PTP4A1: variants seen among roughly 807,000 people sequenced by gnomAD.
PTP4A1 encodes the protein protein tyrosine phosphatase type IVA 1.
In PTP4A1, 9 loss-of-function variants were observed where a neutral mutation model predicts 20.5. That is an observed-to-expected ratio of 0.44 (90% CI 0.26 to 0.77). PTP4A1 has a LOEUF of 0.77. Ranked by LOEUF, PTP4A1 falls within the 30% of genes least tolerant of loss-of-function variation. The pLI is 0.19. For missense variants in PTP4A1, 137 were observed against 218.8 expected, an observed-to-expected ratio of 0.63 and a Z score of 2.36; for synonymous variants, 78 against 67.4, an observed-to-expected ratio of 1.16 and a Z score of -0.77.
At chr6:63,527,111 G>A (rs1178049359) in intron 1 of PTP4A1, among the ~76,000 whole-genome samples, 2 of 152,018 alleles carry the variant, frequency 1.3e-5, no homozygotes, top group Non-Finnish European at 2.9e-5. Context: ...ACAAATACCT[G>A]AGCAGTCCTC....
At chr6:63,559,545 G>A (rs1002965688) in intron 3 of PTP4A1, among the ~76,000 whole-genome samples, 1 of 152,064 alleles carries the variant, frequency 6.6e-6, no homozygotes, top group African/African-American at 2.4e-5. Flanking sequence ...AGGAGATGGA[G>A]ACCATCCTGG....
At chr6:63,550,538 C>T (rs1197941867) in intron 3 of PTP4A1, 1 of 152,192 alleles carries the variant, frequency 6.6e-6, no homozygotes, top group Non-Finnish European at 1.5e-5. Context: ...CCTGTAAGAG[C>T]TCCTCGAGCC....
At position 63,549,358 on chromosome 6, in the gene PTP4A1, A is replaced by G. The variant is rs1776337609; in HGVS notation, c.-639-942A>G. ...TGGGGGCCATTTCACAAAGCTGGTT[A>G]GGTCTCTTTTGGGCTGAATGTCCTG... On this transcript the variant is annotated intron_variant, in intron 2 of 3. Coordinates refer to the PTP4A1 transcript ENST00000639568. 6 of 754,472 alleles carry G rather than the reference A, an allele frequency of 8.0e-6. No individual in the cohort carries two copies. In the Admixed American group the frequency reaches 1.0e-4, roughly 13 times the overall value. 46.7% of individuals were successfully genotyped at this position (754,472 alleles called of 1,614,324 possible).
chr6:63,570,415 G>C (rs1415203839), upstream of PTP4A1, among the ~76,000 whole-genome samples: 2 of 152,208 alleles, frequency 1.3e-5, no homozygotes, highest in African/African-American at 2.4e-5. Flanking sequence ...TACTTTCATA[G>C]TAGGATAAGA....
In PTP4A1 at chr6:63,582,196, T is replaced by C. The variant is rs979291546; in HGVS notation, c.*2022T>C. ...TAATTTTTAACCTGAGGTTTTGTTT[T>C]TTTTTTAAAGGAAATGCAGCCTAGT... On this transcript the variant is annotated 3_prime_UTR_variant, in exon 6 of 6. Transcript: ENST00000626021. 6.6e-6 allele frequency: 1 copy of C among 152,142 alleles called. No homozygotes were observed. Among genetic ancestry groups the C allele is most frequent in the South Asian group, 2.1e-4 (1 of 4,826 alleles). 9.4% of individuals were successfully genotyped at this position (152,142 alleles called of 1,614,324 possible).
intron 2 of PTP4A1, among the ~76,000 whole-genome samples, chr6:63,545,594 G>C (rs1473630483): frequency 6.6e-6 from 1 of 151,802 alleles, no homozygotes; most frequent in African/African-American, 2.4e-5. Context: ...CTGGGCAACA[G>C]AGCAAGACTC....
intron 1 of PTP4A1, among the ~76,000 whole-genome samples, chr6:63,526,358 A>G (rs1247873813): frequency 6.6e-6 from 1 of 151,978 alleles, no homozygotes; most frequent in Non-Finnish European, 1.5e-5. Context: ...AATTTCCAGA[A>G]GCTTTGGGTT....
intron 2 of PTP4A1, among the ~76,000 whole-genome samples, chr6:63,533,913 G>A (rs1292987222): frequency 1.3e-5 from 2 of 151,074 alleles, no homozygotes; most frequent in Non-Finnish European, 1.5e-5. Flanking sequence ...GTGTGATCTC[G>A]GCTCATTACA....
intron 2 of PTP4A1, among the ~76,000 whole-genome samples, chr6:63,542,392 C>G (rs894007287): frequency 1.3e-5 from 2 of 151,806 alleles, no homozygotes; most frequent in African/African-American, 4.8e-5. Flanking sequence ...CTCATGTAAC[C>G]AAACACCACC....
intron 3 of PTP4A1, among the ~76,000 whole-genome samples, chr6:63,555,684 ATTACACTCTTTTT>A (rs776606066): frequency 6.7e-6 from 1 of 149,878 alleles, no homozygotes; most frequent in Non-Finnish European, 1.5e-5. Flanking sequence ...TCACTTCTCA[ATTACACTCTTTTT>A]TTTTTTTTTT....
At chr6:63,521,317 C>T (rs967791024), upstream of PTP4A1, among the ~76,000 whole-genome samples, 3 of 152,094 alleles carry the variant, frequency 2.0e-5, no homozygotes, top group East Asian at 1.9e-4. Context: ...TCTGGCTTGT[C>T]GTATTCTAGC....
At chr6:63,525,973 G>A (rs907020648) in intron 1 of PTP4A1, among the ~76,000 whole-genome samples, 15 of 151,970 alleles carry the variant, frequency 9.9e-5, no homozygotes, top group Admixed American at 1.3e-4. Flanking sequence ...ACCTTCTTTC[G>A]GTACCAGTAT....
rs1305675378 is a variant in PTP4A1, at chr6:63,576,995, G to T, written c.105+10G>T. The T allele has an allele frequency of 1.9e-6, 3 of 1,595,212 alleles. No individual in the cohort carries two copies. Among genetic ancestry groups the T allele is most frequent in the Non-Finnish European group, 2.6e-6 (3 of 1,163,582 alleles). On this transcript the variant is annotated intron_variant, in intron 2 of 5. Coordinates refer to ENST00000626021, the MANE Select transcript of PTP4A1 (RefSeq NM_003463.5). ...AAACAAATTTATAGAGGTAAGATTT[G>T]ATATGTTTTAGTAGCTTAAATTGAT...
intron 1 of PTP4A1, among the ~76,000 whole-genome samples, chr6:63,522,446 G>C (rs999744846): frequency 6.6e-6 from 1 of 152,112 alleles, no homozygotes; most frequent in Admixed American, 6.6e-5. Flanking sequence ...TTACAATTCA[G>C]GTGAAACAGA....
upstream of PTP4A1, chr6:63,571,524 G>C (rs1283885581): frequency 6.6e-6 from 1 of 152,162 alleles, no homozygotes; most frequent in African/African-American, 2.4e-5. Flanking sequence ...CAGTAAAAGA[G>C]GACTGAAAAC....
At chr6:63,531,161 C>T (rs907248783) in intron 2 of PTP4A1, among the ~76,000 whole-genome samples, 2 of 152,154 alleles carry the variant, frequency 1.3e-5, no homozygotes, top group Non-Finnish European at 2.9e-5. Flanking sequence ...GAGTTGGTGT[C>T]CATCAAGATA....
chr6:63,574,419 TGGA>T (rs1777712585), intron 1 of PTP4A1, among the ~76,000 whole-genome samples: 1 of 152,152 alleles, frequency 6.6e-6, no homozygotes, highest in African/African-American at 2.4e-5. Flanking sequence ...AGATTGGGAA[TGGA>T]GGAGTGTCTT....
rs1386902600 is a variant in PTP4A1, at chr6:63,580,381, C to G, written c.*207C>G. 1 of 498,172 alleles carries G rather than the reference C, an allele frequency of 2.0e-6. No individual in the cohort carries two copies. Among genetic ancestry groups the G allele is most frequent in the Non-Finnish European group, 3.6e-6 (1 of 276,446 alleles). The allele number at this position is 498,172 out of a possible 1,614,324, so 30.9% of individuals were successfully genotyped here. ...CTATTTGGATACTTGGCAAAAGATT[C>G]TTGCTGTCAGCATATAAAATGTGCT... is the stretch of plus-strand genomic sequence containing the variant. On this transcript the variant is annotated 3_prime_UTR_variant, in exon 6 of 6. Transcript: ENST00000626021.
chr6:63,522,349 G>T (rs1188886561), intron 1 of PTP4A1, among the ~76,000 whole-genome samples: 3 of 152,158 alleles, frequency 2.0e-5, no homozygotes, highest in South Asian at 2.1e-4. Flanking sequence ...AGATCACCTT[G>T]TATCTGCTAA....
Sources: gnomAD v4.1 joint callset for allele counts (sites outside exome capture counted in the v4.1 genomes callset) on GRCh38, gnomAD v4.1.1 for gene constraint, MANE v1.5 for transcripts, NCBI Gene and HGNC (gene_info 2026-07-23, HGNC 2026-07-21) for gene names.